Variants in NDFIP2 observed in about 807,000 individuals in gnomAD.
NDFIP2 encodes Nedd4 family interacting protein 2, also known as NEDD4 family-interacting protein 2.
NDFIP2 carries 19 observed loss-of-function variants against 36.0 expected under a neutral mutation model. The observed-to-expected ratio is 0.53, with a 90% CI of 0.37 to 0.77. The LOEUF is 0.77. Ranked by LOEUF, NDFIP2 falls within the 30% of genes least tolerant of loss-of-function variation. NDFIP2 has a pLI of 0.00. For missense variants in NDFIP2, 446 were observed against 435.8 expected, an observed-to-expected ratio of 1.02 and a Z score of -0.21; for synonymous variants, 181 against 167.7, an observed-to-expected ratio of 1.08 and a Z score of -0.61.
At chr13:79,525,720 T>C (rs1874768921) in intron 2 of NDFIP2, among the ~76,000 whole-genome samples, 1 of 152,202 alleles carries the variant, frequency 6.6e-6, no homozygotes, top group African/African-American at 2.4e-5. Context: ...TATCATGATA[T>C]TCAGAACAAT....
intron 2 of NDFIP2, among the ~76,000 whole-genome samples, chr13:79,525,776 T>C (rs991493518): frequency 1.3e-5 from 2 of 152,230 alleles, no homozygotes; most frequent in Non-Finnish European, 2.9e-5. Flanking sequence ...AGTTTTCTAT[T>C]GAATATTTCT....
At chr13:79,542,991 C>T (rs7336820) in intron 4 of NDFIP2, among the ~76,000 whole-genome samples, 1,722 of 152,138 alleles carry the variant, frequency 0.011, 35 homozygotes, top group African/African-American at 0.04. Context: ...ATTCTCCTGC[C>T]TCAGCTTCCC....
chr13:79,521,823 C>CTTTTTTTTTTTTTTTTTTTTTTTTTTTT, intron 2 of NDFIP2, among the ~76,000 whole-genome samples: 1 of 130,498 alleles, frequency 7.7e-6, no homozygotes, highest in Non-Finnish European at 1.6e-5. Context: ...TTTCGTTTTG[C>CTTTTTTTTTTTTTTTTTTTTTTTTTTTT]TTTTTTTTTT....
intron 1 of NDFIP2, among the ~76,000 whole-genome samples, chr13:79,500,673 C>G (rs1229041104): frequency 2.0e-5 from 3 of 151,986 alleles, no homozygotes; most frequent in Non-Finnish European, 4.4e-5. Flanking sequence ...ACAGATTCTT[C>G]TGAGGATGTG....
Position 79,533,376 on chromosome 13 carries a change from A to G in NDFIP2, c.541A>G (p.Thr181Ala), listed in dbSNP as rs761328386. The G allele has an allele frequency of 1.9e-5, 30 of 1,611,948 alleles. No homozygotes were observed. The highest frequency in any genetic ancestry group is 2.5e-5 in the Non-Finnish European group (29 of 1,178,792). Residue 181 changes from threonine (T) to alanine (A), a missense_variant, in exon 3 of 8, where the codon ACC (threonine) becomes GCC (alanine). Around this residue, in one of 2 missense-constraint regions of NDFIP2, gnomAD observed 369 missense variants for 304.8 expected, o/e 1.21. Transcript: ENST00000218652. ...YPVPPPYSVATSLPTYDEAEK... is the reference protein window; with the variant it reads ...YPVPPPYSVAASLPTYDEAEK... ...CGTGCCACCTCCCTATAGCGTTGCTACCTCTCTTCCTACATACGATGAAGC... is the reference window on the plus strand; with the variant it reads ...CGTGCCACCTCCCTATAGCGTTGCTGCCTCTCTTCCTACATACGATGAAGC...
chr13:79,526,870 G>T (rs1408493099), intron 2 of NDFIP2, among the ~76,000 whole-genome samples: 1 of 152,092 alleles, frequency 6.6e-6, no homozygotes, highest in African/African-American at 2.4e-5. Context: ...AATCACATCT[G>T]TAAAAATGAG....
chr13:79,530,939 A>G (rs897164141), intron 2 of NDFIP2, among the ~76,000 whole-genome samples: 3 of 152,200 alleles, frequency 2.0e-5, no homozygotes, highest in Admixed American at 6.5e-5. Flanking sequence ...GCCATCTAGA[A>G]TAGTGAATCC....
intron 7 of NDFIP2, 130 bp downstream of exon 7, chr13:79,551,252 A>G (rs1274079531): frequency 6.8e-6 from 3 of 437,982 alleles, no homozygotes; most frequent in Non-Finnish European, 1.2e-5. Context: ...TAATACTGCT[A>G]ACAGTCAGCT....
At chr13:79,519,581 C>T (rs1874483879) in intron 1 of NDFIP2, among the ~76,000 whole-genome samples, 1 of 152,188 alleles carries the variant, frequency 6.6e-6, no homozygotes, top group Non-Finnish European at 1.5e-5. Context: ...TTAGCTTCTG[C>T]ACTTCCTGTT....
In NDFIP2 at chr13:79,491,897, C is replaced by T. The variant is rs117556906; in HGVS notation, c.321+10373C>T. On this transcript the variant is annotated intron_variant, in intron 1 of 7. Coordinates refer to ENST00000218652, the MANE Select transcript of NDFIP2 (RefSeq NM_019080.3). ...GTGTGGGTAAAATTCTTGTTAAAGA[C>T]GTGCCAAATGCAAGTTGGGAAATGC... 5.9e-5 allele frequency among the ~76,000 whole-genome samples: 9 copies of T among 152,276 alleles called. No individual in the cohort carries two copies. The East Asian group carries it at 1.2e-3, about 20-fold the overall frequency.
intron 1 of NDFIP2, among the ~76,000 whole-genome samples, chr13:79,506,514 G>A (rs1229633023): frequency 6.6e-6 from 1 of 152,042 alleles, no homozygotes; most frequent in Non-Finnish European, 1.5e-5. Flanking sequence ...ACATCATGAT[G>A]AACAACATTA....
At position 79,498,325 on chromosome 13, in the gene NDFIP2, T is replaced by G. The variant is rs529922680; in HGVS notation, c.321+16801T>G. Among the ~76,000 whole-genome samples, 5 of 152,114 alleles carry G rather than the reference T, an allele frequency of 3.3e-5. No individual in the cohort carries two copies. In the East Asian group the frequency reaches 9.6e-4, roughly 29 times the overall value. On this transcript the variant is annotated intron_variant, in intron 1 of 7. Coordinates refer to ENST00000218652, the MANE Select transcript of NDFIP2 (RefSeq NM_019080.3). The stretch of plus-strand genomic sequence containing the variant: ...TAAAAACCTCAGTATGGCAGTGTTT[T>G]TAAATTTTCTAGTGGATATGGCATT...
chr13:79,536,735 A>G lies in NDFIP2; in HGVS notation c.622-2947A>G, dbSNP rs534747351. On this transcript the variant is annotated intron_variant, in intron 3 of 7. Transcript: ENST00000218652. ...TTTTTCTATTAATATTATAAAAGAC[A>G]TCTTTGGGCATATTGCAGTGACTCA... Among the ~76,000 whole-genome samples, 5 of 152,248 alleles carry G rather than the reference A, an allele frequency of 3.3e-5. No individual in the cohort carries two copies. In the South Asian group the frequency reaches 8.3e-4, roughly 25 times the overall value.
At chr13:79,540,358 A>G (rs541759225) in intron 4 of NDFIP2, among the ~76,000 whole-genome samples, 2 of 152,308 alleles carry the variant, frequency 1.3e-5, no homozygotes, top group East Asian at 1.9e-4. Flanking sequence ...TTGAGGGAAG[A>G]CTGTGTCAAA....
rs989789778 is a variant in NDFIP2 at position 79,552,728 on chromosome 13, A to G, written c.*215A>G. ...TATTTCATTTGTTTTGCACATATGC[A>G]TATGTGCCCATTTAAGATATTTGCA... On this transcript the variant is annotated 3_prime_UTR_variant, in exon 8 of 8. Transcript: ENST00000218652. The G allele has an allele frequency of 3.3e-5, 5 of 151,910 alleles. No homozygotes were observed. The highest frequency in any genetic ancestry group is 7.2e-5 in the African/African-American group (3 of 41,396). 9.4% of individuals were successfully genotyped at this position (151,910 alleles called of 1,614,324 possible).
rs1876029370 is a variant in NDFIP2 at position 79,554,449 on chromosome 13, C to T, written c.*1936C>T. On this transcript the variant is annotated 3_prime_UTR_variant, in exon 8 of 8. Transcript: ENST00000218652. The stretch of plus-strand genomic sequence containing the variant: ...TCGACTTACTAAAATTTCATTTTAG[C>T]TTTTATGGTATATGTGCTTGTTTTC... 6.6e-6 allele frequency: 1 copy of T among 151,654 alleles called. No homozygotes were observed. Among genetic ancestry groups the T allele is most frequent in the African/African-American group, 2.4e-5 (1 of 41,380 alleles). 9.4% of individuals were successfully genotyped at this position (151,654 alleles called of 1,614,324 possible).
At chr13:79,547,746 A>G (rs1382617359) in intron 5 of NDFIP2, among the ~76,000 whole-genome samples, 1 of 152,072 alleles carries the variant, frequency 6.6e-6, no homozygotes, top group Admixed American at 6.6e-5. Flanking sequence ...AGCTGTTCTC[A>G]GCTCTCTGTT....
At chr13:79,547,074 ATGAAATTACTATAAATAC>A (rs1397306346) in intron 5 of NDFIP2, among the ~76,000 whole-genome samples, 2 of 151,986 alleles carry the variant, frequency 1.3e-5, no homozygotes, top group East Asian at 1.9e-4. Context: ...AATTTAAAAT[ATGAAATTACTATAAATAC>A]TGAAATTACT....
At chr13:79,548,270 T>A in intron 5 of NDFIP2, 58 bp from the exon 6 acceptor site, 1 of 1,213,444 alleles carries the variant, frequency 8.2e-7, no homozygotes, top group Non-Finnish European at 1.2e-6. Flanking sequence ...GAAGATAATT[T>A]ATGATTTTCA....
Sources: gnomAD v4.1 joint callset for allele counts (sites outside exome capture counted in the v4.1 genomes callset) on GRCh38, gnomAD v4.1.1 for gene constraint, gnomAD v4.1.1 regional missense constraint, MANE v1.5 for transcripts, NCBI Gene and HGNC (gene_info 2026-07-23, HGNC 2026-07-21) for gene names.